STIL: variants seen among roughly 807,000 people sequenced by gnomAD.
STIL encodes SCL-interrupting locus protein.
STIL carries 55 observed loss-of-function variants against 110.1 expected under a neutral mutation model. The observed-to-expected ratio is 0.50, with a 90% CI of 0.40 to 0.63. The LOEUF (loss-of-function observed/expected upper bound fraction) is 0.63. STIL is among the 20% of genes least tolerant of loss of function. The probability of loss-of-function intolerance (pLI) is 0.00; values close to 1 mark genes in which losing one functional copy is unlikely to be tolerated. For missense variants in STIL, 1,358 were observed against 1,530.0 expected, an observed-to-expected ratio of 0.89 and a Z score of 1.87; for synonymous variants, 481 against 530.0, an observed-to-expected ratio of 0.91 and a Z score of 1.27.
At chr1:47,254,008 G>A (rs541101203) in intron 16 of STIL, among the ~76,000 whole-genome samples, 69 of 151,600 alleles carry the variant, frequency 4.6e-4, no homozygotes, top group African/African-American at 1.6e-3. Context: ...GCAAAACCCC[G>A]TCTCTACTAA....
At position 47,260,332 on chromosome 1, in the gene STIL, G is replaced by A; in HGVS notation, c.3037C>T (p.Pro1013Ser). 2 of 1,614,078 alleles carry A rather than the reference G, an allele frequency of 1.2e-6. No homozygotes were observed. The highest frequency in any genetic ancestry group is 1.7e-6 in the Non-Finnish European group (2 of 1,180,016). ...LRSLGVKIDS[P>S]TKVKKNAHNV... ...TGTGCATTTTTCTTCACTTTAGTGGGAGAATCAATTTTTACTCCAAGGCTT... is the reference window on the plus strand; with the variant it reads ...TGTGCATTTTTCTTCACTTTAGTGGAAGAATCAATTTTTACTCCAAGGCTT... Residue 1013 changes from proline (P) to serine (S), a missense_variant, in exon 16 of 17, where the codon CCC (proline) becomes TCC (serine). Physicochemically the swap from Pro to Ser is moderately conservative, Grantham distance 74 (BLOSUM62 -1). Transcript: ENST00000371877.
Position 47,260,531 on chromosome 1 carries a change from T to C in STIL, c.2838A>G (p.Val946=), listed in dbSNP as rs1644454638. 1.2e-6 allele frequency: 2 copies of C among 1,614,188 alleles called. No homozygotes were observed. The highest frequency in any genetic ancestry group is 8.5e-7 in the Non-Finnish European group (1 of 1,180,038). The change falls in exon 16 of 17, where the codon GTA becomes GTG. Residue 946 remains valine, a synonymous_variant. Transcript: ENST00000371877. ...QKIYQDLLGQ[V]NHLLNSSSKE... ...TGGAGGAACTATTTAATAGGTGGTT[T>C]ACTTGACCCTGACAAAAAGAAAAAA...
intron 9 of STIL, 51 bp downstream of exon 9, chr1:47,289,384 A>G: frequency 6.4e-7 from 1 of 1,556,002 alleles, no homozygotes; most frequent in Non-Finnish European, 8.8e-7. Context: ...AAACTGCCAA[A>G]GTGCAAAACC....
chr1:47,289,669 AG>A (rs1322634397), intron 8 of STIL, 84 bp from the exon 9 acceptor site: 2 of 1,339,544 alleles, frequency 1.5e-6, no homozygotes, highest in African/African-American at 1.5e-5. Context: ...CTCCCAATCT[AG>A]TTAACAAAAT....
chr1:47,265,846 G>A (rs1398359160), intron 14 of STIL, among the ~76,000 whole-genome samples: 1 of 150,278 alleles, frequency 6.7e-6, no homozygotes, highest in Non-Finnish European at 1.5e-5. Context: ...GAGTGCAGTG[G>A]CGTGATCACA....
intron 8 of STIL, among the ~76,000 whole-genome samples, chr1:47,292,726 T>C (rs1159048552): frequency 6.6e-6 from 1 of 152,230 alleles, no homozygotes; most frequent in African/African-American, 2.4e-5. Context: ...GCACAAGATA[T>C]CACTTTACAG....
Position 47,293,483 on chromosome 1 carries a change from T to C in STIL, c.847A>G (p.Ile283Val), listed in dbSNP as rs1452876335. The C allele has an allele frequency of 1.2e-6, 2 of 1,613,222 alleles. No homozygotes were observed. Among genetic ancestry groups the C allele is most frequent in the African/African-American group, 2.7e-5 (2 of 74,870 alleles). ...CTTTCTTGAACAGAAGAATTGAATA[T>C]GTATCGCAAACAGCAAGCCCATACC... ...PQVWACCLRYIFNSSVQERVF... is the reference protein window; with the variant it reads ...PQVWACCLRYVFNSSVQERVF... The change falls in exon 8 of 17, where the codon ATA becomes GTA. Residue 283 changes from isoleucine (I) to valine (V), a missense_variant. Coordinates refer to ENST00000371877, the MANE Select transcript of STIL (RefSeq NM_001048166.1).
At chr1:47,308,310 T>G (rs865961405) in intron 2 of STIL, among the ~76,000 whole-genome samples, 10 of 152,108 alleles carry the variant, frequency 6.6e-5, no homozygotes, top group Admixed American at 2.0e-4. Context: ...CTCTGTCCTT[T>G]TATTTCTCAA....
chr1:47,291,580 T>C (rs1333507872), intron 8 of STIL, among the ~76,000 whole-genome samples: 2 of 149,562 alleles, frequency 1.3e-5, no homozygotes, highest in Non-Finnish European at 2.9e-5. Flanking sequence ...TATTTTATTT[T>C]TTATTTATTT....
intron 15 of STIL, among the ~76,000 whole-genome samples, chr1:47,260,743 C>T (rs1306477408): frequency 6.6e-6 from 1 of 152,098 alleles, no homozygotes; most frequent in Non-Finnish European, 1.5e-5. Flanking sequence ...GTGGCACACG[C>T]CTGTAGTTCC....
intron 14 of STIL, among the ~76,000 whole-genome samples, chr1:47,265,002 G>A (rs113639843): frequency 0.016 from 2,347 of 149,070 alleles, 64 homozygotes; most frequent in African/African-American, 0.055. Context: ...TTGGGAGGCC[G>A]AGACAAGCAG....
intron 7 of STIL, among the ~76,000 whole-genome samples, 178 bp from the exon 8 acceptor site, chr1:47,293,722 G>GCA (rs1218546121): frequency 1.3e-5 from 2 of 151,724 alleles, no homozygotes; most frequent in African/African-American, 4.8e-5. Flanking sequence ...ATAGACATTT[G>GCA]TATATATATA....
At chr1:47,268,773 A>T (rs925820617) in intron 14 of STIL, among the ~76,000 whole-genome samples, 65 of 147,986 alleles carry the variant, frequency 4.4e-4, no homozygotes, top group Admixed American at 1.6e-3. Context: ...ATAAATAAAT[A>T]AATAAATAAA....
intron 14 of STIL, among the ~76,000 whole-genome samples, chr1:47,268,943 C>G (rs879527068): frequency 6.6e-6 from 1 of 150,962 alleles, no homozygotes; most frequent in Non-Finnish European, 1.5e-5. Context: ...AATACAAACA[C>G]GGAATTAGCC....
intron 9 of STIL, among the ~76,000 whole-genome samples, chr1:47,288,820 G>A (rs1645383130): frequency 6.7e-6 from 1 of 149,540 alleles, no homozygotes; most frequent in African/African-American, 2.5e-5. Context: ...GCTTAGGCAG[G>A]TGGATCACCT....
Position 47,301,559 on chromosome 1 carries a change from A to C in STIL, c.453+2T>G. On this transcript the variant is annotated splice_donor_variant, in intron 5 of 16. Transcript: ENST00000371877. LOFTEE classifies it high-confidence loss of function. ...AACTATCAAGTTGTCAATGAATCGC[A>C]CCTTTAAAGCTGAACTGAAGTCATC... 6.2e-7 allele frequency: 1 copy of C among 1,612,560 alleles called. No individual in the cohort carries two copies. The highest frequency in any genetic ancestry group is 8.5e-7 in the Non-Finnish European group (1 of 1,179,552).
rs769531920 is a variant in STIL at position 47,260,354 on chromosome 1, G to C, written c.3015C>G (p.Ser1005Arg). ...VLNATLKQLRSLGVKIDSPTK... is the reference protein window; with the variant it reads ...VLNATLKQLRRLGVKIDSPTK... ...TGGGAGAATCAATTTTTACTCCAAG[G>C]CTTCTTAGTTGCTTAAGAGTTGCAT... Residue 1005 changes from serine (S) to arginine (R), a missense_variant, in exon 16 of 17, where the codon AGC becomes AGG. By Grantham distance (110) the Ser-to-Arg change is moderately radical. Coordinates refer to ENST00000371877, the MANE Select transcript of STIL (RefSeq NM_001048166.1). 3 of 1,613,932 alleles carry C rather than the reference G, an allele frequency of 1.9e-6. No homozygotes were observed. Among genetic ancestry groups the C allele is most frequent in the Non-Finnish European group, 2.5e-6 (3 of 1,179,938 alleles).
At chr1:47,289,292 T>C in intron 9 of STIL, 143 bp downstream of exon 9, 3 of 527,886 alleles carry the variant, frequency 5.7e-6, no homozygotes, top group Non-Finnish European at 9.4e-6. Flanking sequence ...TGAATAAAGT[T>C]AATATTTAAT....
intron 16 of STIL, among the ~76,000 whole-genome samples, chr1:47,257,090 A>G (rs1408406341): frequency 1.3e-5 from 2 of 152,184 alleles, no homozygotes; most frequent in Non-Finnish European, 2.9e-5. Context: ...GGTAAAAAAA[A>G]AGAGCACCTC....
Sources: gnomAD v4.1 joint callset for allele counts (sites outside exome capture counted in the v4.1 genomes callset) on GRCh38, gnomAD v4.1.1 for gene constraint, MANE v1.5 for transcripts, NCBI Gene and HGNC (gene_info 2026-07-23, HGNC 2026-07-21) for gene names.